The following NEB variants were observed in gnomAD, a reference collection of about 807,000 sequenced individuals.
NEB encodes nebulin, also known as nemaline myopathy type 2.
NEB carries 512 observed loss-of-function variants against 952.2 expected under a neutral mutation model. That is an observed-to-expected ratio of 0.54 (90% CI 0.50 to 0.58). The LOEUF is 0.58. NEB is among the 20% of genes least tolerant of loss of function. The pLI is 0.00. For synonymous variants in NEB, 2,900 were observed against 3,149.8 expected, an observed-to-expected ratio of 0.92 and a Z score of 2.66; for missense variants, 8,428 against 9,231.1, an observed-to-expected ratio of 0.91 and a Z score of 3.56.
intron 32 of NEB, among the ~76,000 whole-genome samples, chr2:151,679,224 T>C (rs2099396687): frequency 6.6e-6 from 1 of 152,108 alleles, no homozygotes; most frequent in Non-Finnish European, 1.5e-5. Flanking sequence ...ACATCTTGGT[T>C]AAAGATAAAT....
Position 151,663,827 on chromosome 2 carries a change from T to C in NEB, c.5484A>G (p.Lys1828=). Residue 1828 remains lysine, a synonymous_variant, in exon 45 of 182, where the codon AAA becomes AAG. Transcript: ENST00000397345. The part of the protein sequence containing the change: ...YKYKKAYEQA[K]GKHIGFRSLE... ...GGCTCCGGAAGCCAATGTGTTTCCC[T>C]TTGGCTTGTTCATAGGCTTTCTTGT... 6.2e-7 allele frequency: 1 copy of C among 1,613,782 alleles called. No individual in the cohort carries two copies. Among genetic ancestry groups the C allele is most frequent in the South Asian group, 1.1e-5 (1 of 91,076 alleles).
chr2:151,638,807 CTGTGTG>C (rs71996133), intron 63 of NEB, among the ~76,000 whole-genome samples: 15,615 of 147,820 alleles, frequency 0.11, 1,539 homozygotes, highest in African/African-American at 0.26. Context: ...TTCTCTCTCT[CTGTGTG>C]TGTGTGTGTG....
chr2:151,506,109 T>C lies in NEB; in HGVS notation c.23649+57A>G, dbSNP rs926084817. The C allele has an allele frequency of 5.0e-6, 7 of 1,409,754 alleles. No individual in the cohort carries two copies. In the African/African-American group the frequency reaches 9.9e-5, roughly 20 times the overall value. The allele number at this position is 1,409,754 out of a possible 1,614,324, so 87.3% of individuals were successfully genotyped here. A position where few individuals can be genotyped will look rare whatever the true frequency, so the allele number is the denominator to read the frequency against. On this transcript the variant is annotated intron_variant, in intron 164 of 181. Coordinates refer to ENST00000397345, the MANE Select transcript of NEB (RefSeq NM_001164508.2). ...GGCTTTGAGTGCAACTCATAGGTCA[T>C]TGTAAATTATCAAAGGGAGGCAGAA...
chr2:151,638,806 T>C (rs931876965), intron 63 of NEB, among the ~76,000 whole-genome samples: 2 of 68,814 alleles, frequency 2.9e-5, no homozygotes, highest in Non-Finnish European at 5.3e-5. Flanking sequence ...TTTCTCTCTC[T>C]CTGTGTGTGT....
intron 36 of NEB, among the ~76,000 whole-genome samples, chr2:151,673,893 G>A (rs985177520): frequency 1.2e-4 from 18 of 151,678 alleles, no homozygotes; most frequent in African/African-American, 1.7e-4. Flanking sequence ...GCCACCATTC[G>A]ATCTCCTGAC....
Position 151,663,761 on chromosome 2 carries a change from G to A in NEB, c.5550C>T (p.Ala1850=). The A allele has an allele frequency of 6.2e-7, 1 of 1,613,786 alleles. No homozygotes were observed. The highest frequency in any genetic ancestry group is 8.5e-7 in the Non-Finnish European group (1 of 1,179,794). ...TGTATTCCCGGTCTGACTGCATCTT[G>A]GCCACTTGCATGAAGTGCACCAGCT... ...DPKLVHFMQV[A]KMQSDREYKK... Residue 1850 remains alanine (A), a synonymous_variant, in exon 45 of 182, where the codon GCC becomes GCT. Transcript: ENST00000397345.
At chr2:151,622,993 C>T (rs2098448316) in intron 71 of NEB, among the ~76,000 whole-genome samples, 1 of 152,130 alleles carries the variant, frequency 6.6e-6, no homozygotes, top group African/African-American at 2.4e-5. Flanking sequence ...GCTGTAGGGG[C>T]ATTCTTGGGC....
chr2:151,611,560 G>C (rs1342971773), intron 78 of NEB, among the ~76,000 whole-genome samples: 2 of 152,194 alleles, frequency 1.3e-5, no homozygotes, highest in Non-Finnish European at 2.9e-5. Context: ...TTCCAGGCAG[G>C]TGTGGGAGAA....
At chr2:151,555,881 A>AAC (rs1553743449) in intron 124 of NEB, among the ~76,000 whole-genome samples, 4 of 151,682 alleles carry the variant, frequency 2.6e-5, no homozygotes, top group African/African-American at 9.7e-5. Flanking sequence ...TAAAAAAAAA[A>AAC]AAAACACATA....
At chr2:151,537,810 G>T (rs1354845506) in intron 140 of NEB, 62 bp downstream of exon 140, 7 of 1,097,964 alleles carry the variant, frequency 6.4e-6, no homozygotes, top group Non-Finnish European at 7.4e-6. Context: ...TGCCATGTAT[G>T]ATTTCAGAGC....
rs1273377995 is a variant in NEB at position 151,527,521 on chromosome 2, T to G, written c.21800A>C (p.Asp7267Ala). 6.2e-7 allele frequency: 1 copy of G among 1,613,404 alleles called. No individual in the cohort carries two copies. The highest frequency in any genetic ancestry group is 8.5e-7 in the Non-Finnish European group (1 of 1,179,712). Reference sequence around the variant, plus strand: ...GGATGACTTGGCAGCCTGGAGGAAGTCCGGTCGGTCAGGAGTCCACTTCCA... The same window carrying G: ...GGATGACTTGGCAGCCTGGAGGAAGGCCGGTCGGTCAGGAGTCCACTTCCA... Reference protein sequence around the residue: ...AHWKWTPDRPDFLQAAKSSLQ... With the variant: ...AHWKWTPDRPAFLQAAKSSLQ... The change falls in exon 147 of 182, where the codon GAC becomes GCC. Residue 7267 changes from aspartate to alanine, a missense_variant. By Grantham distance (126) the Asp-to-Ala change is moderately radical. Coordinates refer to ENST00000397345, the MANE Select transcript of NEB (RefSeq NM_001164508.2).
chr2:151,702,011 A>C (rs946549956), intron 13 of NEB, among the ~76,000 whole-genome samples: 15 of 149,504 alleles, frequency 1.0e-4, no homozygotes, highest in Non-Finnish European at 8.9e-5. Context: ...TTAGTGCTAT[A>C]AATTCCCCTC....
chr2:151,572,649 G>A (rs945653176), intron 107 of NEB, among the ~76,000 whole-genome samples: 7 of 149,322 alleles, frequency 4.7e-5, no homozygotes, highest in African/African-American at 9.8e-5. Flanking sequence ...AGGTTCAAAC[G>A]ATTCTTGTGC....
chr2:151,638,660 G>A (rs2098805638), intron 63 of NEB, among the ~76,000 whole-genome samples: 1 of 152,226 alleles, frequency 6.6e-6, no homozygotes, highest in Non-Finnish European at 1.5e-5. Context: ...CCTATTTGTG[G>A]GGAGGGGTAC....
At chr2:151,556,020 C>T (rs1302932702) in intron 124 of NEB, among the ~76,000 whole-genome samples, 1 of 152,108 alleles carries the variant, frequency 6.6e-6, no homozygotes. Flanking sequence ...GTTCATGACT[C>T]AAGGAAAAAG....
At chr2:151,515,828 C>G (rs1434331241) in intron 157 of NEB, among the ~76,000 whole-genome samples, 1 of 152,198 alleles carries the variant, frequency 6.6e-6, no homozygotes, top group Admixed American at 6.5e-5. Flanking sequence ...GAAAGCTCCA[C>G]AAACTGCTGC....
At chr2:151,622,854 T>C (rs1445851439) in intron 71 of NEB, among the ~76,000 whole-genome samples, 1 of 152,250 alleles carries the variant, frequency 6.6e-6, no homozygotes, top group Non-Finnish European at 1.5e-5. Flanking sequence ...GTTGCTTTTC[T>C]ATCCAGAATT....
chr2:151,672,996 C>G (rs992096636), intron 36 of NEB, among the ~76,000 whole-genome samples: 2 of 152,162 alleles, frequency 1.3e-5, no homozygotes, highest in African/African-American at 4.8e-5. Flanking sequence ...AGGCCAATAT[C>G]TCTTGGTTTC....
At chr2:151,731,767 T>C (rs2099809801) in intron 3 of NEB, among the ~76,000 whole-genome samples, 1 of 152,158 alleles carries the variant, frequency 6.6e-6, no homozygotes, top group African/African-American at 2.4e-5. Flanking sequence ...ATATTTAAGT[T>C]GGAGAGTAAA....
Sources: gnomAD v4.1 joint callset for allele counts (sites outside exome capture counted in the v4.1 genomes callset) on GRCh38, gnomAD v4.1.1 for gene constraint, MANE v1.5 for transcripts, NCBI Gene and HGNC (gene_info 2026-07-23, HGNC 2026-07-21) for gene names.